The following PAN3 variants were observed in gnomAD, a reference collection of about 807,000 sequenced individuals.
PAN3 encodes PAN2-PAN3 deadenylation complex subunit PAN3.
A neutral mutation model predicts 96.2 loss-of-function variants in PAN3; 19 were observed. The ratio of observed to expected loss-of-function variants is 0.20; its 90% confidence interval spans 0.14 to 0.29. PAN3 has a LOEUF of 0.29. Among genes scored for constraint, PAN3 ranks in the 10% least tolerant of loss-of-function variants. The pLI, the probability that PAN3 is intolerant of heterozygous loss-of-function variation, is 1.00. For synonymous variants in PAN3, 433 were observed against 406.6 expected (o/e 1.06, Z -0.78); for missense variants, 882 against 1,108.1 (o/e 0.80, Z 2.90).
At chr13:28,152,918 G>A (rs925924611) in intron 1 of PAN3, among the ~76,000 whole-genome samples, 3 of 151,960 alleles carry the variant, frequency 2.0e-5, no homozygotes, top group Non-Finnish European at 4.4e-5. Context: ...TGTGGGTATG[G>A]GGGGGAAAAG....
intron 5 of PAN3, among the ~76,000 whole-genome samples, chr13:28,205,951 T>A (rs1362512863): frequency 6.6e-6 from 1 of 152,088 alleles, no homozygotes; most frequent in Non-Finnish European, 1.5e-5. Context: ...TCCTCCTGTC[T>A]CAGACAAATA....
chr13:28,181,574 A>C (rs953315908), intron 4 of PAN3, among the ~76,000 whole-genome samples: 3 of 151,468 alleles, frequency 2.0e-5, no homozygotes, highest in Non-Finnish European at 4.4e-5. Flanking sequence ...CCATATATCT[A>C]GGCTGTATAA....
At chr13:28,153,614 G>A (rs999465018) in intron 1 of PAN3, among the ~76,000 whole-genome samples, 1 of 152,144 alleles carries the variant, frequency 6.6e-6, no homozygotes, top group Non-Finnish European at 1.5e-5. Flanking sequence ...TATTTCTGTG[G>A]TGGCATGATG....
intron 1 of PAN3, among the ~76,000 whole-genome samples, chr13:28,170,968 G>T (rs1235806831): frequency 6.6e-6 from 1 of 151,774 alleles, no homozygotes; most frequent in African/African-American, 2.4e-5. Flanking sequence ...GGCTAATTTT[G>T]TATTTTTAGC....
intron 1 of PAN3, among the ~76,000 whole-genome samples, chr13:28,154,639 T>TG (rs1871853022): frequency 1.3e-5 from 2 of 150,192 alleles, no homozygotes. Context: ...GGATTACAGG[T>TG]GCCCTCCACT....
chr13:28,259,155 T>TC (rs1276292464), intron 7 of PAN3, among the ~76,000 whole-genome samples: 4 of 150,518 alleles, frequency 2.7e-5, no homozygotes, highest in African/African-American at 9.8e-5. Flanking sequence ...TGAGACAGAG[T>TC]CTTCCCCTGT....
In PAN3 at chr13:28,138,624, G is replaced by T. The variant is rs943030200; in HGVS notation, c.-34G>T. On this transcript the variant is annotated 5_prime_UTR_variant, in exon 1 of 19. Coordinates refer to ENST00000380958, the MANE Select transcript of PAN3 (RefSeq NM_175854.8). Reference sequence around the variant, plus strand: ...ATGGTGGTGGCGGCGGCGGCTCCTCGGGCGGCGGCGGAAGACGAGGCTGCG... The same window carrying T: ...ATGGTGGTGGCGGCGGCGGCTCCTCTGGCGGCGGCGGAAGACGAGGCTGCG... 8.8e-6 allele frequency: 4 copies of T among 454,892 alleles called. No homozygotes were observed. The highest frequency in any genetic ancestry group is 4.0e-5 in the East Asian group (1 of 25,016). 28.2% of individuals were successfully genotyped at this position (454,892 alleles called of 1,614,324 possible). A position where few individuals can be genotyped will look rare whatever the true frequency, so the allele number is the denominator to read the frequency against.
At chr13:28,187,310 G>T (rs1306083310) in intron 4 of PAN3, among the ~76,000 whole-genome samples, 1 of 152,134 alleles carries the variant, frequency 6.6e-6, no homozygotes, top group Non-Finnish European at 1.5e-5. Context: ...CTGGGAAACA[G>T]AGCAAGAACC....
chr13:28,184,673 C>T (rs1441511843), intron 4 of PAN3, among the ~76,000 whole-genome samples: 5 of 152,124 alleles, frequency 3.3e-5, no homozygotes, highest in Admixed American at 3.3e-4. Flanking sequence ...GGTTTTTCTA[C>T]AGTCTTGAAA....
At chr13:28,258,832 T>G (rs1408093951) in intron 7 of PAN3, among the ~76,000 whole-genome samples, 1 of 152,230 alleles carries the variant, frequency 6.6e-6, no homozygotes, top group Non-Finnish European at 1.5e-5. Context: ...TGCATAGATC[T>G]TATACACATC....
chr13:28,245,674 C>A (rs1029413791), intron 6 of PAN3, among the ~76,000 whole-genome samples: 1 of 152,148 alleles, frequency 6.6e-6, no homozygotes, highest in Non-Finnish European at 1.5e-5. Flanking sequence ...CAACACTTCC[C>A]GTTTTTCTCT....
chr13:28,207,625 GTCTTT>G (rs148657667), intron 5 of PAN3, among the ~76,000 whole-genome samples: 8,681 of 152,174 alleles, frequency 0.057, 313 homozygotes, highest in South Asian at 0.15. Context: ...TAGCAAACTT[GTCTTT>G]TAAGATTGAA....
chr13:28,201,490 G>C (rs1277603923), intron 5 of PAN3, among the ~76,000 whole-genome samples: 1 of 152,090 alleles, frequency 6.6e-6, no homozygotes, highest in Non-Finnish European at 1.5e-5. Context: ...AGCTTGCAGT[G>C]AGCAGAGATT....
At chr13:28,267,788 C>T (rs1334178155) in intron 12 of PAN3, among the ~76,000 whole-genome samples, 3 of 152,186 alleles carry the variant, frequency 2.0e-5, no homozygotes, top group African/African-American at 4.8e-5. Flanking sequence ...AAATTACCCC[C>T]ATGATTCAGT....
In PAN3 at chr13:28,174,264, T is replaced by C; in HGVS notation, c.431-8T>C. On this transcript the variant is annotated splice_polypyrimidine_tract_variant and splice_region_variant and intron_variant, in intron 1 of 18. Coordinates refer to ENST00000380958, the MANE Select transcript of PAN3 (RefSeq NM_175854.8). ...ATTTTAAATACTTGAATTTTCCTTC[T>C]CTTTCAGTTCCAGGAATGGATGGAG... 6.2e-7 allele frequency: 1 copy of C among 1,606,362 alleles called. No individual in the cohort carries two copies.
intron 14 of PAN3, among the ~76,000 whole-genome samples, chr13:28,272,694 C>G (rs748766079): frequency 2.0e-5 from 3 of 151,996 alleles, no homozygotes; most frequent in African/African-American, 7.2e-5. Flanking sequence ...CTCAGCCTCC[C>G]GAGTAGCTGG....
intron 1 of PAN3, among the ~76,000 whole-genome samples, chr13:28,159,140 A>G (rs1164251860): frequency 6.6e-6 from 1 of 152,198 alleles, no homozygotes; most frequent in Non-Finnish European, 1.5e-5. Flanking sequence ...GTTCTGTCAT[A>G]AAGACGCATG....
intron 7 of PAN3, among the ~76,000 whole-genome samples, chr13:28,259,442 A>C (rs1331730720): frequency 2.6e-5 from 4 of 151,758 alleles, no homozygotes; most frequent in Non-Finnish European, 5.9e-5. Context: ...AGTAACTGGG[A>C]GTACAGGTGC....
chr13:28,231,118 G>T (rs1882513404), intron 6 of PAN3, among the ~76,000 whole-genome samples: 1 of 152,170 alleles, frequency 6.6e-6, no homozygotes. Context: ...AGGCCAGTGG[G>T]TAAGATTCCT....
Sources: allele counts gnomAD v4.1 joint callset (sites outside exome capture counted in the v4.1 genomes callset), GRCh38; gene constraint gnomAD v4.1.1; transcripts MANE v1.5; gene names NCBI Gene and HGNC (gene_info 2026-07-23, HGNC 2026-07-21).